AMOT: variants seen among roughly 807,000 people sequenced by gnomAD.
AMOT encodes angiomotin.
In AMOT, 11 loss-of-function variants were observed where a neutral mutation model predicts 67.0. The observed-to-expected ratio is 0.16, with a 90% CI of 0.10 to 0.27. The LOEUF is 0.27. Among genes scored for constraint, AMOT ranks in the 10% least tolerant of loss-of-function variants. AMOT has a pLI of 1.00. For synonymous variants in AMOT, 326 were observed against 321.4 expected, an observed-to-expected ratio of 1.01 and a Z score of -0.15; for missense variants, 753 against 852.0, an observed-to-expected ratio of 0.88 and a Z score of 1.45.
At chrX:112,833,730 C>T (rs1282855223) in intron 1 of AMOT, among the ~76,000 whole-genome samples, 2 of 112,014 alleles carry the variant, frequency 1.8e-5, no homozygotes, top group Non-Finnish European at 3.8e-5. Context: ...AAACTGGCTA[C>T]CACACTAAAA....
chrX:112,824,168 C>CA (rs1934783603), intron 3 of AMOT, among the ~76,000 whole-genome samples: 2 of 111,753 alleles, frequency 1.8e-5, no homozygotes, highest in East Asian at 2.8e-4. Flanking sequence ...ATTTTCTCAA[C>CA]AAAAAATGGC....
chrX:112,785,770 G>A (rs1036984558), intron 10 of AMOT, among the ~76,000 whole-genome samples: 1 of 112,232 alleles, frequency 8.9e-6, no homozygotes, highest in African/African-American at 3.2e-5. Context: ...ATGCACCAGC[G>A]AAGTGGCAAC....
chrX:112,822,123 G>T, intron 4 of AMOT, 132 bp downstream of exon 4: 2 of 849,537 alleles, frequency 2.4e-6, no homozygotes. Flanking sequence ...AATTCACGAA[G>T]CCAGAGGCCT....
chrX:112,781,257 T>A, intron 11 of AMOT, 139 bp from the exon 12 acceptor site: 1 of 526,749 alleles, frequency 1.9e-6, no homozygotes, highest in Non-Finnish European at 3.1e-6. Flanking sequence ...CTGGCCAACA[T>A]GGTGAAACCC....
Position 112,778,324 on chromosome X carries a change from CAAACA to C in AMOT, c.*238_*242del. ...AACAGTCCCAGTATTCGTATAAATTCAAACAATAAGCTTTAGAGCACATTCTGATT... is the reference window on the plus strand; with the variant it reads ...AACAGTCCCAGTATTCGTATAAATTCATAAGCTTTAGAGCACATTCTGATT... On this transcript the variant is annotated 3_prime_UTR_variant, in exon 14 of 14. Coordinates refer to ENST00000371959, the MANE Select transcript of AMOT (RefSeq NM_001113490.2). 3.7e-6 allele frequency: 1 copy of C among 268,005 alleles called. No individual in the cohort carries two copies. The allele number at this position is 268,005 out of a possible 1,213,427, so 22.1% of individuals were successfully genotyped here.
chrX:112,778,572 T>C lies in AMOT; in HGVS notation c.3250A>G (p.Ile1084Val). 1 of 1,197,054 alleles carries C rather than the reference T, an allele frequency of 8.4e-7. No homozygotes were observed. Among genetic ancestry groups the C allele is most frequent in the Non-Finnish European group, 1.1e-6 (1 of 885,358 alleles). ...EPDAEMVEYL[I>V] ...GCAGCTCTTGATTTGGCCGTTTAGA[T>C]GAGATATTCCACCATCTCTGCATCA... The change falls in exon 14 of 14, where the codon ATC becomes GTC. Residue 1084 changes from isoleucine to valine, a missense_variant. Physicochemically the swap from Ile to Val is conservative, Grantham distance 29. Around this residue, in one of 5 missense-constraint regions of AMOT, gnomAD observed 269 missense variants for 300.9 expected, o/e 0.89. Coordinates refer to ENST00000371959, the MANE Select transcript of AMOT (RefSeq NM_001113490.2).
In AMOT at chrX:112,815,480, G is replaced by C; in HGVS notation, c.1270C>G (p.Pro424Ala). 1 of 1,211,593 alleles carries C rather than the reference G, an allele frequency of 8.3e-7. No individual in the cohort carries two copies. The highest frequency in any genetic ancestry group is 1.7e-5 in the African/African-American group (1 of 57,694). ...GAAACAATGGCAAAAGGGTCTGCTG[G>C]CACTGGCTGATAAGAAGCAGAGGAT... ...QPSSASYQPV[P>A]ADPFAIVSRA... Residue 424 changes from proline (P) to alanine (A), a missense_variant, in exon 5 of 14, where the codon CCA (proline) becomes GCA (alanine). Pro to Ala is a conservative substitution (Grantham distance 27, BLOSUM62 -1). Coordinates refer to ENST00000371959, the MANE Select transcript of AMOT (RefSeq NM_001113490.2).
At chrX:112,821,448 A>G (rs1164193118) in intron 4 of AMOT, among the ~76,000 whole-genome samples, 2 of 112,086 alleles carry the variant, frequency 1.8e-5, no homozygotes, top group Non-Finnish European at 3.8e-5. Context: ...TAGAATCATA[A>G]GGTCTAGTGA....
chrX:112,804,020 A>G (rs1276248853), intron 8 of AMOT, among the ~76,000 whole-genome samples: 1 of 111,862 alleles, frequency 8.9e-6, no homozygotes, highest in Non-Finnish European at 1.9e-5. Context: ...GTCCAGTGCA[A>G]TAACAACTGA....
At position 112,822,421 on chromosome X, in the gene AMOT, G is replaced by A. The variant is rs1602827430; in HGVS notation, c.706C>T (p.Arg236Ter). 2.6e-6 allele frequency: 3 copies of A among 1,167,823 alleles called. No individual in the cohort carries two copies. The highest frequency in any genetic ancestry group is 3.3e-5 in the East Asian group (1 of 30,749). ...NQHSLKGMEH[R>*]GPPPEYPFKG... ...AAGGGATATTCTGGTGGGGGGCCTC[G>A]GTGTTCCATGCCCTTCAGGCTATGC... The change falls in exon 4 of 14, where the codon CGA (arginine) becomes TGA (stop). Residue 236 changes from arginine (R) to a stop codon, truncating the protein, a stop_gained. Coordinates refer to ENST00000371959, the MANE Select transcript of AMOT (RefSeq NM_001113490.2). LOFTEE classifies it high-confidence loss of function.
intron 13 of AMOT, 48 bp downstream of exon 13, chrX:112,778,949 T>A: frequency 9.0e-7 from 1 of 1,110,203 alleles, no homozygotes; most frequent in Non-Finnish European, 1.2e-6. Context: ...AAATCTGTAT[T>A]TGAGAGCAGA....
At chrX:112,805,128 G>C in intron 7 of AMOT, 36 bp from the exon 8 acceptor site, 1 of 1,207,182 alleles carries the variant, frequency 8.3e-7, no homozygotes, top group Non-Finnish European at 1.1e-6. Flanking sequence ...TGCCAGCCTG[G>C]AGCTAGCTCA....
At chrX:112,799,074 G>A (rs1473263978) in intron 8 of AMOT, among the ~76,000 whole-genome samples, 1 of 109,945 alleles carries the variant, frequency 9.1e-6, no homozygotes, top group East Asian at 2.8e-4. Context: ...GCAAGGAAGC[G>A]ACTTAATCAT....
At position 112,782,568 on chromosome X, in the gene AMOT, T is replaced by C; in HGVS notation, c.2212A>G (p.Asn738Asp). The change falls in exon 11 of 14, where the codon AAT (asparagine) becomes GAT (aspartate). Residue 738 changes from asparagine (N) to aspartate (D), a missense_variant. Asn to Asp is a conservative substitution (Grantham distance 23, BLOSUM62 1). This residue lies in a region of AMOT where 269 missense variants were observed against 300.9 expected (regional missense o/e 0.89). Transcript: ENST00000371959. ...CCCTCCATGTCAAGGCAACGCTTAT[T>C]GGCCATCAAGATTTCTTCCTCCTCT... ...QKEEEEILMA[N>D]KRCLDMEGRI... 2.5e-6 allele frequency: 3 copies of C among 1,211,786 alleles called. No homozygotes were observed. Among genetic ancestry groups the C allele is most frequent in the Non-Finnish European group, 3.4e-6 (3 of 895,487 alleles).
rs374932519 is a variant in AMOT, at chrX:112,780,885, C to T, written c.2473+1G>A. On this transcript the variant is annotated splice_donor_variant, in intron 12 of 13. Coordinates refer to ENST00000371959, the MANE Select transcript of AMOT (RefSeq NM_001113490.2). LOFTEE classifies it high-confidence loss of function. ...TAATCTTCCTTATTTACTGTCATTA[C>T]CTAGGCTCCCCTTCCAGCTCTTGTC... 8.3e-7 allele frequency: 1 copy of T among 1,207,850 alleles called. No homozygotes were observed. The highest frequency in any genetic ancestry group is 1.1e-6 in the Non-Finnish European group (1 of 893,254).
Position 112,815,836 on chromosome X carries a change from G to A in AMOT, c.914C>T (p.Ser305Leu), listed in dbSNP as rs1031276652. The change falls in exon 5 of 14, where the codon TCG becomes TTG. Residue 305 changes from serine (S) to leucine (L), a missense_variant. Transcript: ENST00000371959. ...AGAAGAAGTAGGGCTGTGAGGCTGC[G>A]AGTTCCTGGCTGACAATGGCAATGA... ...DISLPLSARN[S>L]QPHSPTSSLT... The A allele has an allele frequency of 1.4e-5, 16 of 1,167,004 alleles. No individual in the cohort carries two copies. The highest frequency in any genetic ancestry group is 3.3e-5 in the East Asian group (1 of 30,741).
chrX:112,834,046 C>T (rs987056232), intron 1 of AMOT, among the ~76,000 whole-genome samples: 1 of 112,069 alleles, frequency 8.9e-6, no homozygotes, highest in East Asian at 2.8e-4. Context: ...GGATGTCAAA[C>T]CTGGCCCATA....
chrX:112,782,327 G>C, intron 11 of AMOT, among the ~76,000 whole-genome samples: 1 of 112,298 alleles, frequency 8.9e-6, no homozygotes, highest in African/African-American at 3.2e-5. Context: ...AATTAGGAAG[G>C]CCAAAGGGAC....
chrX:112,788,566 G>T (rs1933458353), intron 10 of AMOT, among the ~76,000 whole-genome samples: 1 of 112,225 alleles, frequency 8.9e-6, no homozygotes, highest in Non-Finnish European at 1.9e-5. Context: ...AACGTAAGAG[G>T]CACTATCACT....
Sources: allele counts gnomAD v4.1 joint callset (sites outside exome capture counted in the v4.1 genomes callset), GRCh38; gene constraint gnomAD v4.1.1; regional missense constraint gnomAD v4.1.1; transcripts MANE v1.5; gene names NCBI Gene and HGNC (gene_info 2026-07-23, HGNC 2026-07-21).